AP1AR: variants seen among roughly 807,000 people sequenced by gnomAD.
AP1AR encodes the protein adaptor related protein complex 1 associated regulatory protein.
A neutral mutation model predicts 46.3 loss-of-function variants in AP1AR; 29 were observed. The observed-to-expected ratio is 0.63, with a 90% CI of 0.47 to 0.85. The LOEUF (loss-of-function observed/expected upper bound fraction) is 0.85, where lower values mean the gene tolerates loss of function less well. Among genes scored for constraint, AP1AR ranks in the 40% least tolerant of loss-of-function variants. The probability of loss-of-function intolerance (pLI) is 0.00; values close to 1 mark genes in which losing one functional copy is unlikely to be tolerated. For missense variants in AP1AR, 357 were observed against 356.3 expected, an observed-to-expected ratio of 1.00 and a Z score of -0.02; for synonymous variants, 122 against 122.9, an observed-to-expected ratio of 0.99 and a Z score of 0.05.
Position 112,268,600 on chromosome 4 carries a change from T to C in AP1AR, c.*191T>C, listed in dbSNP as rs1202419837. On this transcript the variant is annotated 3_prime_UTR_variant, in exon 10 of 10. Transcript: ENST00000274000. ...TACAGAATTAAGTGCAATTTCATCA[T>C]CTGCCTTCTGCTTTTCAAGACCAAT... 2 of 459,140 alleles carry C rather than the reference T, an allele frequency of 4.4e-6. No homozygotes were observed. The highest frequency in any genetic ancestry group is 2.0e-5 in the African/African-American group (1 of 49,542). 28.4% of individuals were successfully genotyped at this position (459,140 alleles called of 1,614,324 possible). A position where few individuals can be genotyped will look rare whatever the true frequency, so the allele number is the denominator to read the frequency against.
chr4:112,263,133 A>G, intron 6 of AP1AR, 47 bp downstream of exon 6: 2 of 1,443,006 alleles, frequency 1.4e-6, no homozygotes, highest in Non-Finnish European at 1.9e-6. Context: ...TTTTCTCCTT[A>G]TTTTCTCTGA....
intron 3 of AP1AR, among the ~76,000 whole-genome samples, chr4:112,256,065 C>T (rs1726188275): frequency 6.6e-6 from 1 of 151,812 alleles, no homozygotes; most frequent in Non-Finnish European, 1.5e-5. Flanking sequence ...CAGCCTTTCT[C>T]AGAGTATGTA....
At chr4:112,253,147 T>C in intron 1 of AP1AR, 61 bp from the exon 2 acceptor site, 1 of 1,249,064 alleles carries the variant, frequency 8.0e-7, no homozygotes, top group Non-Finnish European at 1.2e-6. Context: ...TTTTATGCTA[T>C]ATATTAATTC....
At chr4:112,251,607 A>G (rs956175602) in intron 1 of AP1AR, among the ~76,000 whole-genome samples, 2 of 152,230 alleles carry the variant, frequency 1.3e-5, no homozygotes, top group Non-Finnish European at 2.9e-5. Flanking sequence ...TTCAGGGAAG[A>G]TAGTGATGGT....
At chr4:112,265,312 A>G (rs1726653507) in intron 7 of AP1AR, 3 of 400,724 alleles carry the variant, frequency 7.5e-6, no homozygotes, top group Admixed American at 4.2e-5. Context: ...GATGTGATAC[A>G]ATAGCTGAAT....
intron 1 of AP1AR, among the ~76,000 whole-genome samples, chr4:112,240,528 G>A (rs1476849067): frequency 6.6e-6 from 1 of 152,210 alleles, no homozygotes; most frequent in Non-Finnish European, 1.5e-5. Context: ...CCAGCTCTCA[G>A]TTAAGTGCCT....
At chr4:112,266,022 A>G (rs1320506703) in intron 8 of AP1AR, among the ~76,000 whole-genome samples, 2 of 151,798 alleles carry the variant, frequency 1.3e-5, no homozygotes, top group African/African-American at 4.8e-5. Flanking sequence ...CTGTAGATCC[A>G]TATAGGAAGT....
At chr4:112,265,132 C>T in intron 7 of AP1AR, 65 bp downstream of exon 7, 1 of 1,265,500 alleles carries the variant, frequency 7.9e-7, no homozygotes, top group East Asian at 2.4e-5. Flanking sequence ...TGTAGAGCAT[C>T]ATTCACCTCA....
At chr4:112,236,140 A>G (rs1029289952) in intron 1 of AP1AR, among the ~76,000 whole-genome samples, 4 of 151,648 alleles carry the variant, frequency 2.6e-5, no homozygotes, top group Admixed American at 6.6e-5. Context: ...GATATATTCA[A>G]TTAAATCTCT....
At chr4:112,238,192 G>GT (rs1306123232) in intron 1 of AP1AR, among the ~76,000 whole-genome samples, 1 of 152,266 alleles carries the variant, frequency 6.6e-6, no homozygotes, top group African/African-American at 2.4e-5. Context: ...CAAGGACTGT[G>GT]TTTTATCACT....
Position 112,232,168 on chromosome 4 carries a change from G to A in AP1AR, c.77G>A (p.Gly26Asp). 1 of 1,284,852 alleles carries A rather than the reference G, an allele frequency of 7.8e-7. No individual in the cohort carries two copies. The highest frequency in any genetic ancestry group is 2.6e-5 in the South Asian group (1 of 38,512). The allele number at this position is 1,284,852 out of a possible 1,614,324, so 79.6% of individuals were successfully genotyped here. A position where few individuals can be genotyped will look rare whatever the true frequency, so the allele number is the denominator to read the frequency against. The part of the protein sequence containing the change: ...EAGRLQRVGG[G>D]GGSKYFRTCS... Reference sequence around the variant, plus strand: ...GGGCGGCTGCAGCGAGTAGGCGGCGGCGGAGGGTAAGCCCGCTGGGGGAGG... The same window carrying A: ...GGGCGGCTGCAGCGAGTAGGCGGCGACGGAGGGTAAGCCCGCTGGGGGAGG... The change falls in exon 1 of 10, where the codon GGC (glycine) becomes GAC (aspartate). Residue 26 changes from glycine to aspartate, a missense_variant. Gly to Asp is a moderately conservative substitution (Grantham distance 94). This residue lies in a region of AP1AR where 269 missense variants were observed against 223.6 expected (regional missense o/e 1.20). Transcript: ENST00000274000.
rs769539665 is a variant in AP1AR, at chr4:112,268,325, C to G, written c.825C>G (p.Ser275=). The G allele has an allele frequency of 1.1e-5, 18 of 1,612,918 alleles. No individual in the cohort carries two copies. Among genetic ancestry groups the G allele is most frequent in the Non-Finnish European group, 1.5e-5 (18 of 1,179,334 alleles). Residue 275 remains serine, a synonymous_variant, in exon 10 of 10, where the codon TCC becomes TCG. Coordinates refer to ENST00000274000, the MANE Select transcript of AP1AR (RefSeq NM_018569.6). ...VSAEMDDNGN[S]EYSGFVNPVL... ...CCGAAATGGATGATAATGGAAATTC[C>G]GAGTATTCTGGATTTGTAAATCCTG...
In AP1AR at chr4:112,271,420, G is replaced by GTCA. The variant is rs1160572860; in HGVS notation, c.*3014_*3016dup. On this transcript the variant is annotated 3_prime_UTR_variant, in exon 10 of 10. Transcript: ENST00000274000. ...CTCCTCAACAGAGCTATTTCTACTT[G>GTCA]TCATCTGTCATCTTGTCCCCTTGGT... Among the ~76,000 whole-genome samples the GTCA allele has an allele frequency of 6.6e-6, 1 of 152,216 alleles. No homozygotes were observed. The highest frequency in any genetic ancestry group is 2.4e-5 in the African/African-American group (1 of 41,446).
intron 6 of AP1AR, 107 bp downstream of exon 6, chr4:112,263,193 T>C (rs1726528740): frequency 2.5e-6 from 2 of 790,304 alleles, no homozygotes; most frequent in Admixed American, 6.1e-5. Context: ...ACTTCTTGTT[T>C]AACAACGAAT....
intron 3 of AP1AR, among the ~76,000 whole-genome samples, chr4:112,257,472 C>T (rs1162098313): frequency 6.6e-6 from 1 of 151,886 alleles, no homozygotes; most frequent in Non-Finnish European, 1.5e-5. Flanking sequence ...CCATACTGAC[C>T]ACAGTTCATT....
chr4:112,233,126 A>C (rs551707554), intron 1 of AP1AR, among the ~76,000 whole-genome samples: 1 of 152,314 alleles, frequency 6.6e-6, no homozygotes, highest in South Asian at 2.1e-4. Flanking sequence ...CAGATTGCTA[A>C]TTTTTCATAA....
intron 1 of AP1AR, among the ~76,000 whole-genome samples, chr4:112,233,796 A>C (rs1043893921): frequency 6.6e-6 from 1 of 152,362 alleles, no homozygotes; most frequent in East Asian, 1.9e-4. Flanking sequence ...GAGGAAATCC[A>C]TGAATCAGCG....
intron 5 of AP1AR, among the ~76,000 whole-genome samples, chr4:112,262,054 CCTATAGTCCCAGCACT>C (rs1699694631): frequency 6.6e-6 from 1 of 151,992 alleles, no homozygotes; most frequent in Non-Finnish European, 1.5e-5. Context: ...GTGGCTAATG[CCTATAGTCCCAGCACT>C]TTGGAGGCCA....
At chr4:112,233,948 T>G (rs1434112126) in intron 1 of AP1AR, among the ~76,000 whole-genome samples, 1 of 152,218 alleles carries the variant, frequency 6.6e-6, no homozygotes. Flanking sequence ...AACCTTCGCC[T>G]CCCGGGTTCA....
Sources: allele counts gnomAD v4.1 joint callset (sites outside exome capture counted in the v4.1 genomes callset), GRCh38; gene constraint gnomAD v4.1.1; regional missense constraint gnomAD v4.1.1; transcripts MANE v1.5; gene names NCBI Gene and HGNC (gene_info 2026-07-23, HGNC 2026-07-21).